Variants in EPS8L3 observed in about 807,000 individuals in gnomAD.
EPS8L3 encodes the protein epidermal growth factor receptor kinase substrate 8-like protein 3.
EPS8L3 carries 80 observed loss-of-function variants against 88.5 expected under a neutral mutation model. The observed-to-expected ratio is 0.90, with a 90% CI of 0.75 to 1.09. EPS8L3 has a LOEUF of 1.09. Among genes scored for constraint, EPS8L3 ranks in the 50% least tolerant of loss-of-function variants. EPS8L3 has a pLI of 0.00. For synonymous variants in EPS8L3, 286 were observed against 291.0 expected (o/e 0.98, Z 0.18); for missense variants, 721 against 735.2 (o/e 0.98, Z 0.22).
Position 109,759,696 on chromosome 1 carries a change from C to A in EPS8L3, c.237G>T (p.Leu79=). 1 of 1,613,854 alleles carries A rather than the reference C, an allele frequency of 6.2e-7. No individual in the cohort carries two copies. The highest frequency in any genetic ancestry group is 1.1e-5 in the South Asian group (1 of 91,074). ...ILQVRDGWLQ[L]LDIETKEELD... ...GGCTGACCTTGGTCTCAATGTCCAG[C>A]AGCTGCAGCCAGCCGTCCCTGACCT... Residue 79 remains leucine (L), a synonymous_variant, in exon 4 of 19, where the codon CTG becomes CTT. Coordinates refer to ENST00000361965, the MANE Select transcript of EPS8L3 (RefSeq NM_133181.4). The surrounding 1 kb of genome is among the most constrained non-coding windows in gnomAD (Gnocchi z 4.2).
In EPS8L3 at chr1:109,759,455, C is replaced by A; in HGVS notation, c.256-68G>T. ...GGTGTGGCTTCTGGGAGCTCCTGACCAGCTCATCCTAGCCCTTTGGTGGCC... is the reference window on the plus strand; with the variant it reads ...GGTGTGGCTTCTGGGAGCTCCTGACAAGCTCATCCTAGCCCTTTGGTGGCC... On this transcript the variant is annotated intron_variant, in intron 4 of 18. Coordinates refer to ENST00000361965, the MANE Select transcript of EPS8L3 (RefSeq NM_133181.4). The surrounding 1 kb of genome is among the most constrained non-coding windows in gnomAD (Gnocchi z 4.2). 1 of 1,586,314 alleles carries A rather than the reference C, an allele frequency of 6.3e-7. No homozygotes were observed. Among genetic ancestry groups the A allele is most frequent in the Non-Finnish European group, 8.6e-7 (1 of 1,166,516 alleles).
In EPS8L3 at chr1:109,751,670, C is replaced by T. The variant is rs370846877; in HGVS notation, c.1547G>A (p.Gly516Asp). The change falls in exon 16 of 19, where the codon GGC becomes GAC. Residue 516 changes from glycine (G) to aspartate (D), a missense_variant. By Grantham distance (94) the Gly-to-Asp change is moderately conservative. Coordinates refer to ENST00000361965, the MANE Select transcript of EPS8L3 (RefSeq NM_133181.4). ...PLQPGTPGTQ[G>D]QSPSRVPMLR... The stretch of plus-strand genomic sequence containing the variant: ...GGGTAGTACCCGAGAGGGTGACTGG[C>T]CCTGGGTCCCAGGGGTCCCCGGCTG... The T allele has an allele frequency of 6.2e-6, 10 of 1,613,916 alleles. No homozygotes were observed. The highest frequency in any genetic ancestry group is 1.3e-5 in the African/African-American group (1 of 74,864).
Position 109,759,516 on chromosome 1 carries a change from T to C in EPS8L3, c.256-129A>G, listed in dbSNP as rs1375351294. 2.7e-6 allele frequency: 4 copies of C among 1,506,582 alleles called. No homozygotes were observed. Among genetic ancestry groups the C allele is most frequent in the Non-Finnish European group, 3.6e-6 (4 of 1,117,142 alleles). The allele number at this position is 1,506,582 out of a possible 1,614,324, so 93.3% of individuals were successfully genotyped here. On this transcript the variant is annotated intron_variant, in intron 4 of 18. Coordinates refer to ENST00000361965, the MANE Select transcript of EPS8L3 (RefSeq NM_133181.4). This position sits in a 1 kb window ranked among gnomAD's most constrained non-coding sequence, Gnocchi z 4.2. Reference sequence around the variant, plus strand: ...GTGTCATCTACCTGACTCTTGTGCCTCTGTCCCCAGCCTCTGTCCCCTGTC... The same window carrying C: ...GTGTCATCTACCTGACTCTTGTGCCCCTGTCCCCAGCCTCTGTCCCCTGTC...
rs76425431 is a variant in EPS8L3 at position 109,751,321 on chromosome 1, C to T, written c.1594G>A (p.Glu532Lys). Residue 532 changes from glutamate (E) to lysine (K), a missense_variant, in exon 17 of 19, where the codon GAA becomes AAA. Physicochemically the swap from Glu to Lys is moderately conservative, Grantham distance 56 (BLOSUM62 1). Coordinates refer to ENST00000361965, the MANE Select transcript of EPS8L3 (RefSeq NM_133181.4). ...GCCTGCAGCCAGTCTGTGACCTCTT[C>T]AGGCCTCGAGCTAAGTCGAAGCATT... The part of the protein sequence containing the change: ...VPMLRLSSRP[E>K]EVTDWLQAEN... 2,128 of 1,613,918 alleles carry T rather than the reference C, an allele frequency of 1.3e-3. 5 individuals are homozygous for T. Among genetic ancestry groups the T allele is most frequent in the Admixed American group, 1.8e-3 (109 of 60,006 alleles).
chr1:109,756,517 A>G (rs569410209), intron 12 of EPS8L3, among the ~76,000 whole-genome samples: 59 of 151,220 alleles, frequency 3.9e-4, no homozygotes, highest in Middle Eastern at 3.4e-3. Flanking sequence ...GATTACAGGC[A>G]TGAGCCACCG....
At chr1:109,761,309 G>T (rs3820666) in intron 3 of EPS8L3, 186 bp downstream of exon 3, 19 of 596,570 alleles carry the variant, frequency 3.2e-5, no homozygotes, top group South Asian at 6.2e-5. Flanking sequence ...ACCCCTCCCC[G>T]TCCCTGACAC....
chr1:109,760,275 T>A (rs1650777996), intron 3 of EPS8L3, among the ~76,000 whole-genome samples: 1 of 152,208 alleles, frequency 6.6e-6, no homozygotes, highest in Non-Finnish European at 1.5e-5. Context: ...TCACCCAGCA[T>A]TCCTGTCTCC....
At chr1:109,750,575 C>T in intron 18 of EPS8L3, 85 bp downstream of exon 18, 1 of 1,602,940 alleles carries the variant, frequency 6.2e-7, no homozygotes, top group Non-Finnish European at 8.5e-7. Flanking sequence ...AGGGCTGGGC[C>T]TGCAGGCTTT....
chr1:109,757,764 A>G, intron 10 of EPS8L3, 38 bp downstream of exon 10: 2 of 1,592,190 alleles, frequency 1.3e-6, no homozygotes, highest in Non-Finnish European at 1.7e-6. Flanking sequence ...AGGAAGGGGA[A>G]GAGGAGAGGC....
chr1:109,761,525 T>C lies in EPS8L3; in HGVS notation c.66A>G (p.Ser22=), dbSNP rs779647736. 5.0e-6 allele frequency: 8 copies of C among 1,613,352 alleles called. No individual in the cohort carries two copies. Among genetic ancestry groups the C allele is most frequent in the Admixed American group, 3.3e-5 (2 of 59,960 alleles). ...HRKEYSQNLT[S]EPTLLQHRVE... is the part of the protein sequence containing the mutation. ...CCCTGTGCTGCAGGAGGGTGGGCTC[T>C]GAGGTGAGGTTCTGGGAGTACTCCT... Residue 22 remains serine (S), a synonymous_variant, in exon 3 of 19, where the codon TCA becomes TCG. Coordinates refer to ENST00000361965, the MANE Select transcript of EPS8L3 (RefSeq NM_133181.4).
Position 109,752,179 on chromosome 1 carries a change from C to A in EPS8L3, c.1250G>T (p.Arg417Met). The A allele has an allele frequency of 6.2e-7, 1 of 1,612,630 alleles. No individual in the cohort carries two copies. The change falls in exon 15 of 19, where the codon AGG (arginine) becomes ATG (methionine). Residue 417 changes from arginine to methionine, a missense_variant. By Grantham distance (91) the Arg-to-Met change is moderately conservative. Transcript: ENST00000361965. ...AGGAAAGTGTGAGGTGCTCCCTAAC[C>A]TATGACTTCCCCGCCTAAGAAACAG... ...DPVSLRRGSH[R>M]LGSTSHFPQE...
At chr1:109,753,226 C>T (rs1055561262) in intron 12 of EPS8L3, 28 bp from the exon 13 acceptor site, 3 of 1,568,406 alleles carry the variant, frequency 1.9e-6, no homozygotes, top group Non-Finnish European at 2.6e-6. Flanking sequence ...GCTGAGTTCA[C>T]ATCCACTCTG....
intron 1 of EPS8L3, among the ~76,000 whole-genome samples, chr1:109,762,071 T>C (rs1209290306): frequency 2.6e-5 from 4 of 152,136 alleles, no homozygotes; most frequent in African/African-American, 9.7e-5. Flanking sequence ...ATAAAGCTCA[T>C]GCCAAGGAGC....
intron 13 of EPS8L3, 32 bp downstream of exon 13, chr1:109,753,085 G>A (rs1649955595): frequency 7.0e-6 from 11 of 1,575,150 alleles, no homozygotes; most frequent in Non-Finnish European, 9.6e-6. Context: ...GACTAGGGCT[G>A]TGGGTAGGGC....
At position 109,758,018 on chromosome 1, in the gene EPS8L3, A is replaced by G. The variant is rs750457883; in HGVS notation, c.758T>C (p.Met253Thr). The change falls in exon 9 of 19, where the codon ATG becomes ACG. Residue 253 changes from methionine (M) to threonine (T), a missense_variant. Physicochemically the swap from Met to Thr is moderately conservative, Grantham distance 81 (BLOSUM62 -1). Coordinates refer to ENST00000361965, the MANE Select transcript of EPS8L3 (RefSeq NM_133181.4). ...TGCCTGGGCCTTCTCCAGCTTTCCCATGAACAGCTCAATGTCCCTTAGGAC... is the reference window on the plus strand; with the variant it reads ...TGCCTGGGCCTTCTCCAGCTTTCCCGTGAACAGCTCAATGTCCCTTAGGAC... ...NHVLRDIELF[M>T]GKLEKAQAKT... 2.4e-5 allele frequency: 39 copies of G among 1,613,812 alleles called. No homozygotes were observed. The South Asian group carries it at 4.0e-4, about 16-fold the overall frequency.
Position 109,759,893 on chromosome 1 carries a change from G to T in EPS8L3, c.97-57C>A, listed in dbSNP as rs1216806769. On this transcript the variant is annotated intron_variant, in intron 3 of 18. Transcript: ENST00000361965. This position sits in a 1 kb window ranked among gnomAD's most constrained non-coding sequence, Gnocchi z 4.2. ...AGAAAGCTCAGAGAGGTGGACCACA[G>T]GCGTGCTGGGTAGAGAAAAGCAGAA... 3.8e-6 allele frequency: 6 copies of T among 1,577,584 alleles called. No homozygotes were observed. Among genetic ancestry groups the T allele is most frequent in the Non-Finnish European group, 5.2e-6 (6 of 1,156,418 alleles).
chr1:109,759,921 GGAA>G lies in EPS8L3; in HGVS notation c.97-88_97-86del. On this transcript the variant is annotated intron_variant, in intron 3 of 18. Coordinates refer to ENST00000361965, the MANE Select transcript of EPS8L3 (RefSeq NM_133181.4). The surrounding 1 kb of genome is among the most constrained non-coding windows in gnomAD (Gnocchi z 4.2). The stretch of plus-strand genomic sequence containing the variant: ...GTGCTGGGTAGAGAAAAGCAGAAGA[GGAA>G]GAAGACGTGTCCTCGGCCCCCTTGA... 1 of 1,437,166 alleles carries G rather than the reference GGAA, an allele frequency of 7.0e-7. No individual in the cohort carries two copies. Among genetic ancestry groups the G allele is most frequent in the Non-Finnish European group, 9.5e-7 (1 of 1,054,996 alleles). The allele number at this position is 1,437,166 out of a possible 1,614,324, so 89.0% of individuals were successfully genotyped here.
intron 15 of EPS8L3, 55 bp downstream of exon 15, chr1:109,751,940 C>A: frequency 5.1e-6 from 8 of 1,563,150 alleles, no homozygotes; most frequent in Non-Finnish European, 6.9e-6. Flanking sequence ...CCCTTGGCTG[C>A]CTGTAGCTCC....
At chr1:109,751,955 A>G (rs2274536) in intron 15 of EPS8L3, 40 bp downstream of exon 15, 483,289 of 1,565,574 alleles carry the variant, frequency 0.31, 79,918 homozygotes, top group African/African-American at 0.61. Context: ...AGCTCCCACC[A>G]ACCACCACCT....
Sources: allele counts gnomAD v4.1 joint callset (sites outside exome capture counted in the v4.1 genomes callset), GRCh38; gene constraint gnomAD v4.1.1; non-coding constraint Gnocchi (gnomAD v3.1); transcripts MANE v1.5; gene names NCBI Gene and HGNC (gene_info 2026-07-23, HGNC 2026-07-21).